The following RALYL variants were observed in gnomAD, a reference collection of about 807,000 sequenced individuals.
The protein encoded by RALYL is RNA-binding Raly-like protein.
In RALYL, 29 loss-of-function variants were observed where a neutral mutation model predicts 35.1. The ratio of observed to expected loss-of-function variants is 0.83; its 90% CI spans 0.61 to 1.13. The LOEUF is 1.13. Among genes scored for constraint, RALYL ranks in the 50% most tolerant of loss-of-function variants. The probability of loss-of-function intolerance (pLI) is 0.00; values close to 1 mark genes in which losing one functional copy is unlikely to be tolerated. For synonymous variants in RALYL, 120 were observed against 127.6 expected (o/e 0.94, Z 0.40); for missense variants, 359 against 360.4 (o/e 1.00, Z 0.03).
intron 2 of RALYL, among the ~76,000 whole-genome samples, chr8:84,542,141 T>C (rs372254698): frequency 6.6e-6 from 1 of 152,130 alleles, no homozygotes; most frequent in African/African-American, 2.4e-5. Context: ...GTTTCTTTTA[T>C]TGTTTTGCCG....
intron 2 of RALYL, among the ~76,000 whole-genome samples, chr8:84,732,840 G>T (rs1181821139): frequency 3.3e-5 from 5 of 151,394 alleles, no homozygotes; most frequent in Non-Finnish European, 5.9e-5. Context: ...GGGATTACAG[G>T]GCTCACCACC....
chr8:84,556,268 A>G (rs1334737895), intron 2 of RALYL, among the ~76,000 whole-genome samples: 1 of 152,216 alleles, frequency 6.6e-6, no homozygotes, highest in African/African-American at 2.4e-5. Flanking sequence ...ATATTAATGT[A>G]TGAAGCCACT....
At chr8:84,218,504 A>G (rs1020814737) in intron 1 of RALYL, among the ~76,000 whole-genome samples, 31 of 152,098 alleles carry the variant, frequency 2.0e-4, no homozygotes, top group Non-Finnish European at 3.1e-4. Context: ...TTAAAATTAC[A>G]TGAAATAGGG....
chr8:84,200,310 C>T (rs1241650301), intron 1 of RALYL, among the ~76,000 whole-genome samples: 2 of 152,028 alleles, frequency 1.3e-5, no homozygotes, highest in African/African-American at 4.8e-5. Context: ...GATCAGTGGA[C>T]TCCAGATACA....
chr8:84,590,037 G>T (rs1195464552), intron 2 of RALYL, among the ~76,000 whole-genome samples: 1 of 152,128 alleles, frequency 6.6e-6, no homozygotes, highest in African/African-American at 2.4e-5. Flanking sequence ...ATCTGGTGTG[G>T]TTTAATTCCT....
chr8:84,334,357 G>A (rs192959369), intron 1 of RALYL, among the ~76,000 whole-genome samples: 4,118 of 151,848 alleles, frequency 0.027, 98 homozygotes, highest in Non-Finnish European at 0.031. Flanking sequence ...TATCAATTAT[G>A]TATAATAATT....
At chr8:84,337,619 T>C (rs1008341655) in intron 1 of RALYL, among the ~76,000 whole-genome samples, 3 of 152,122 alleles carry the variant, frequency 2.0e-5, no homozygotes, top group Non-Finnish European at 4.4e-5. Flanking sequence ...TGTGACATGT[T>C]TTTTATTCAT....
intron 2 of RALYL, among the ~76,000 whole-genome samples, chr8:84,578,171 G>GGCT (rs1809937092): frequency 6.6e-6 from 1 of 152,230 alleles, no homozygotes; most frequent in African/African-American, 2.4e-5. Flanking sequence ...CATGCACACT[G>GGCT]GCTGCTGCAG....
intron 1 of RALYL, among the ~76,000 whole-genome samples, chr8:84,502,314 G>A (rs1353677669): frequency 2.0e-5 from 3 of 151,924 alleles, no homozygotes; most frequent in African/African-American, 7.2e-5. Context: ...AGTAGTGCTA[G>A]AACAACTGGC....
intron 2 of RALYL, among the ~76,000 whole-genome samples, chr8:84,745,619 G>A (rs1436037916): frequency 6.6e-6 from 1 of 151,932 alleles, no homozygotes. Flanking sequence ...TTGCAAGGTA[G>A]CATATAAGAT....
rs1245176411 is a variant in RALYL at position 84,253,990 on chromosome 8, AGG to A, written c.-24+69567_-24+69568del. ...TATTATTTCTCATATTTTTGTAAAT[AGG>A]TTGACAAATGCATCATGATATGTTC... is the stretch of plus-strand genomic sequence containing the variant. On this transcript the variant is annotated intron_variant, in intron 1 of 8. Coordinates refer to ENST00000521268, the MANE Select transcript of RALYL (RefSeq NM_173848.7). 6.6e-5 allele frequency among the ~76,000 whole-genome samples: 10 copies of A among 152,286 alleles called. No individual in the cohort carries two copies. The South Asian group carries it at 1.2e-3, about 19-fold the overall frequency.
rs201804414 is a variant in RALYL, at chr8:84,887,599, C to T, written c.686-5C>T. ...TAGTAGTCATTTGCTTTCTCCCCCC[C>T]CCAGAAGCTCAGAAGAAGCAATTGG... On this transcript the variant is annotated splice_polypyrimidine_tract_variant and splice_region_variant and intron_variant, in intron 7 of 8. Transcript: ENST00000521268. The T allele has an allele frequency of 5.1e-4, 816 of 1,602,598 alleles. 2 individuals are homozygous for T. In the African/African-American group the frequency reaches 7.9e-3, roughly 15 times the overall value.
intron 1 of RALYL, among the ~76,000 whole-genome samples, chr8:84,433,834 T>A (rs1372298765): frequency 9.3e-6 from 1 of 107,664 alleles, no homozygotes. Context: ...TGTGTGTGTA[T>A]GTGTGTGTGT....
rs1451480203 is a variant in RALYL at position 84,323,239 on chromosome 8, A to G, written c.-24+138815A>G. Among the ~76,000 whole-genome samples the G allele has an allele frequency of 2.6e-5, 4 of 152,070 alleles. No homozygotes were observed. In the South Asian group the frequency reaches 6.2e-4, roughly 24 times the overall value. ...ATTTTAAATAGTAAAACATGCCTCA[A>G]GTTTTAGGAAAAGCTCATAAATATA... is the stretch of plus-strand genomic sequence containing the variant. On this transcript the variant is annotated intron_variant, in intron 1 of 8. Transcript: ENST00000521268.
chr8:84,814,628 A>G (rs1261779578), intron 4 of RALYL, among the ~76,000 whole-genome samples: 1 of 149,366 alleles, frequency 6.7e-6, no homozygotes, highest in Non-Finnish European at 1.5e-5. Flanking sequence ...ATTGCAGTGG[A>G]AAAAAAAACT....
At chr8:84,821,129 A>T (rs981935182) in intron 4 of RALYL, among the ~76,000 whole-genome samples, 1 of 152,192 alleles carries the variant, frequency 6.6e-6, no homozygotes, top group African/African-American at 2.4e-5. Flanking sequence ...CTGAAGACTG[A>T]ATTTTCAATT....
intron 2 of RALYL, among the ~76,000 whole-genome samples, chr8:84,628,209 C>A (rs566229014): frequency 2.0e-5 from 3 of 152,182 alleles, no homozygotes; most frequent in Admixed American, 2.0e-4. Flanking sequence ...TAGTCACCAA[C>A]ATTTATGCAA....
At position 84,410,420 on chromosome 8, in the gene RALYL, A is replaced by T. The variant is rs188781952; in HGVS notation, c.-23-118879A>T. 4.0e-3 allele frequency among the ~76,000 whole-genome samples: 614 copies of T among 152,116 alleles called. 1 individual carries two copies. The highest frequency in any genetic ancestry group is 5.9e-3 in the Non-Finnish European group (401 of 67,844). ...AACAGATAAGTAAATGATTTAATTA[A>T]TATAAAACAATTATCAGAGTGTATC... On this transcript the variant is annotated intron_variant, in intron 1 of 8. Coordinates refer to ENST00000521268, the MANE Select transcript of RALYL (RefSeq NM_173848.7).
At chr8:84,613,985 G>A (rs537556647) in intron 2 of RALYL, among the ~76,000 whole-genome samples, 2 of 150,890 alleles carry the variant, frequency 1.3e-5, no homozygotes, top group African/African-American at 4.9e-5. Flanking sequence ...GAGTCAAGGG[G>A]TCTTCTCTTC....
Sources: allele counts gnomAD v4.1 joint callset (sites outside exome capture counted in the v4.1 genomes callset), GRCh38; gene constraint gnomAD v4.1.1; transcripts MANE v1.5; gene names NCBI Gene and HGNC (gene_info 2026-07-23, HGNC 2026-07-21).